The following HS6ST3 variants were observed in gnomAD, a reference collection of about 807,000 sequenced individuals.
The protein encoded by HS6ST3 is heparan-sulfate 6-O-sulfotransferase 3.
In HS6ST3, 12 loss-of-function variants were observed where a neutral mutation model predicts 36.7. That is an observed-to-expected ratio of 0.33 (90% CI 0.21 to 0.53). The LOEUF (loss-of-function observed/expected upper bound fraction) is 0.53. Ranked by LOEUF, HS6ST3 falls within the 20% of genes least tolerant of loss-of-function variation. HS6ST3 has a pLI of 0.95. For missense variants in HS6ST3, 584 were observed against 640.9 expected, an observed-to-expected ratio of 0.91 and a Z score of 0.96; for synonymous variants, 240 against 257.5, an observed-to-expected ratio of 0.93 and a Z score of 0.65.
chr13:96,730,545 A>T (rs540753207), intron 1 of HS6ST3, among the ~76,000 whole-genome samples: 22 of 152,054 alleles, frequency 1.4e-4, no homozygotes, highest in African/African-American at 5.3e-4. Context: ...TGACAGATAA[A>T]AGTGTGTGTA....
At chr13:96,202,472 G>A (rs1010168894) in intron 1 of HS6ST3, among the ~76,000 whole-genome samples, 3 of 152,004 alleles carry the variant, frequency 2.0e-5, no homozygotes, top group African/African-American at 7.3e-5. Context: ...GATTTTGCAC[G>A]TCATCTCTTC....
At chr13:96,736,998 T>C (rs1203432499) in intron 1 of HS6ST3, among the ~76,000 whole-genome samples, 19 of 152,058 alleles carry the variant, frequency 1.2e-4, no homozygotes, top group Admixed American at 1.2e-3. Flanking sequence ...CAAAAAAAAT[T>C]AAACTTCTAA....
chr13:96,253,407 A>T (rs146081091), intron 1 of HS6ST3, among the ~76,000 whole-genome samples: 1 of 152,134 alleles, frequency 6.6e-6, no homozygotes, highest in South Asian at 2.1e-4. Context: ...GGCCTTTCGT[A>T]CTTAGCTGTG....
intron 1 of HS6ST3, among the ~76,000 whole-genome samples, chr13:96,147,283 G>C (rs2054062732): frequency 6.6e-6 from 1 of 152,018 alleles, no homozygotes; most frequent in Non-Finnish European, 1.5e-5. Flanking sequence ...GTATTTTTCA[G>C]GTTACCCCAA....
chr13:96,285,973 T>C (rs1369463153), intron 1 of HS6ST3, among the ~76,000 whole-genome samples: 1 of 147,880 alleles, frequency 6.8e-6, no homozygotes, highest in Non-Finnish European at 1.5e-5. Context: ...TGCCCTTCTC[T>C]TCCTCTTTCT....
rs146064264 is a variant in HS6ST3, at chr13:96,170,786, A to C, written c.707+79217A>C. ...AAATGCTATTGGGTTGTGAAAGCTCAAAAACCAAAATGAAAAATTGGACAA... is the reference window on the plus strand; with the variant it reads ...AAATGCTATTGGGTTGTGAAAGCTCCAAAACCAAAATGAAAAATTGGACAA... On this transcript the variant is annotated intron_variant, in intron 1 of 1. Coordinates refer to ENST00000376705, the MANE Select transcript of HS6ST3 (RefSeq NM_153456.4). Among the ~76,000 whole-genome samples, 79 of 152,366 alleles carry C rather than the reference A, an allele frequency of 5.2e-4. No homozygotes were observed. In the East Asian group the frequency reaches 0.015, roughly 28 times the overall value.
chr13:96,140,060 TTAGA>T lies in HS6ST3; in HGVS notation c.707+48495_707+48498del, dbSNP rs373009510. Among the ~76,000 whole-genome samples the T allele has an allele frequency of 1.2e-4, 18 of 152,146 alleles. No homozygotes were observed. The South Asian group carries it at 3.1e-3, about 26-fold the overall frequency. On this transcript the variant is annotated intron_variant, in intron 1 of 1. Coordinates refer to ENST00000376705, the MANE Select transcript of HS6ST3 (RefSeq NM_153456.4). ...GAAATTTCAAAAAATTAAGAAAAAG[TTAGA>T]TAGGTGATGAATATATAAAATACAG...
intron 1 of HS6ST3, among the ~76,000 whole-genome samples, chr13:96,713,143 T>A (rs1017354227): frequency 2.0e-5 from 3 of 152,102 alleles, no homozygotes; most frequent in African/African-American, 7.2e-5. Context: ...ATTTTCGAAA[T>A]TCCACATCTG....
chr13:96,286,087 A>G (rs1029829160), intron 1 of HS6ST3, among the ~76,000 whole-genome samples: 2 of 139,106 alleles, frequency 1.4e-5, no homozygotes, highest in African/African-American at 2.7e-5. Flanking sequence ...TCTCTTTCTC[A>G]GTTCTGTTTT....
intron 1 of HS6ST3, among the ~76,000 whole-genome samples, chr13:96,352,186 A>G (rs2055187196): frequency 6.6e-6 from 1 of 152,216 alleles, no homozygotes; most frequent in African/African-American, 2.4e-5. Flanking sequence ...ATTGTTGTAT[A>G]ACAAATTAAC....
chr13:96,225,820 C>T (rs976875788), intron 1 of HS6ST3, among the ~76,000 whole-genome samples: 2 of 151,852 alleles, frequency 1.3e-5, no homozygotes, highest in African/African-American at 2.4e-5. Context: ...AAGAAAGAAT[C>T]GAAACTAAAT....
chr13:96,697,753 C>G lies in HS6ST3; in HGVS notation c.708-134737C>G, dbSNP rs375673598. 1.1e-4 allele frequency among the ~76,000 whole-genome samples: 17 copies of G among 152,224 alleles called. No homozygotes were observed. The East Asian group carries it at 2.3e-3, about 21-fold the overall frequency. ...GATAAGATATTAGTAAAATTATTTC[C>G]TAACTTTGCCAAAGTTAAGTTATAA... On this transcript the variant is annotated intron_variant, in intron 1 of 1. Transcript: ENST00000376705.
intron 1 of HS6ST3, among the ~76,000 whole-genome samples, chr13:96,680,869 G>A (rs1178838937): frequency 6.6e-6 from 1 of 152,200 alleles, no homozygotes; most frequent in African/African-American, 2.4e-5. Flanking sequence ...CATGTGGGTG[G>A]GTGAGAAAGA....
chr13:96,295,828 A>G (rs950113608), intron 1 of HS6ST3, among the ~76,000 whole-genome samples: 9 of 152,078 alleles, frequency 5.9e-5, no homozygotes, highest in Non-Finnish European at 1.3e-4. Flanking sequence ...TGATGCGCTG[A>G]TTGTCAGGGA....
chr13:96,817,789 T>A (rs1324437682), intron 1 of HS6ST3, among the ~76,000 whole-genome samples: 5 of 152,140 alleles, frequency 3.3e-5, no homozygotes, highest in Non-Finnish European at 5.9e-5. Context: ...TTTCTGCTTA[T>A]CACCAAGAGA....
intron 1 of HS6ST3, among the ~76,000 whole-genome samples, chr13:96,446,613 T>C (rs1268674638): frequency 1.3e-5 from 2 of 152,166 alleles, no homozygotes; most frequent in Non-Finnish European, 2.9e-5. Flanking sequence ...TGGCGGTTTC[T>C]TTTTTTACTG....
chr13:96,508,171 A>G lies in HS6ST3; in HGVS notation c.708-324319A>G, dbSNP rs953624584. Among the ~76,000 whole-genome samples the G allele has an allele frequency of 2.6e-5, 4 of 152,066 alleles. No homozygotes were observed. In the East Asian group the frequency reaches 7.7e-4, roughly 29 times the overall value. ...ATGTTGTCATAGCTTATAACACTCA[A>G]ATTTCGCAGGGTAATATTAATCCCC... is the stretch of plus-strand genomic sequence containing the variant. On this transcript the variant is annotated intron_variant, in intron 1 of 1. Coordinates refer to ENST00000376705, the MANE Select transcript of HS6ST3 (RefSeq NM_153456.4).
At chr13:96,383,989 A>G (rs1038415794) in intron 1 of HS6ST3, among the ~76,000 whole-genome samples, 2 of 152,178 alleles carry the variant, frequency 1.3e-5, no homozygotes, top group East Asian at 1.9e-4. Flanking sequence ...GCGGCTCACA[A>G]CAGTGTGGGA....
intron 1 of HS6ST3, among the ~76,000 whole-genome samples, chr13:96,825,474 C>T (rs999137331): frequency 6.6e-6 from 1 of 152,106 alleles, no homozygotes; most frequent in East Asian, 1.9e-4. Flanking sequence ...CAGTGGCAGG[C>T]GGGTGCATGG....
Sources: allele counts gnomAD v4.1 joint callset (sites outside exome capture counted in the v4.1 genomes callset), GRCh38; gene constraint gnomAD v4.1.1; transcripts MANE v1.5; gene names NCBI Gene and HGNC (gene_info 2026-07-23, HGNC 2026-07-21).